UGT3A2: variants seen among roughly 807,000 people sequenced by gnomAD.
The protein encoded by UGT3A2 is UDP-glycosyltransferase 3A2.
In UGT3A2, 32 loss-of-function variants were observed where a neutral mutation model predicts 39.8. The observed-to-expected ratio is 0.80, with a 90% CI of 0.61 to 1.08. UGT3A2 has a LOEUF of 1.08. UGT3A2 is among the 50% of genes least tolerant of loss of function. The probability of loss-of-function intolerance (pLI) is 0.00; values close to 1 mark genes in which losing one functional copy is unlikely to be tolerated. For missense variants in UGT3A2, 611 were observed against 637.1 expected (o/e 0.96, Z 0.44); for synonymous variants, 241 against 230.7 (o/e 1.04, Z -0.40).
chr5:36,035,660 C>T lies in UGT3A2; in HGVS notation c.*38G>A, dbSNP rs369324623. The T allele has an allele frequency of 1.2e-5, 19 of 1,596,540 alleles. No homozygotes were observed. Among genetic ancestry groups the T allele is most frequent in the South Asian group, 3.4e-5 (3 of 89,348 alleles). On this transcript the variant is annotated 3_prime_UTR_variant, in exon 7 of 7. Transcript: ENST00000282507. ...GGAAGCTCCCTAGAAATGGTGACAT[C>T]GCCCACCAAACAGACCCCGCCAAGG...
intron 2 of UGT3A2, among the ~76,000 whole-genome samples, chr5:36,052,783 C>T (rs1742389229): frequency 6.6e-6 from 1 of 152,150 alleles, no homozygotes; most frequent in Admixed American, 6.5e-5. Context: ...ATAAACCTCT[C>T]ATATCTTCTT....
At chr5:36,048,212 G>A (rs1163150389) in intron 4 of UGT3A2, among the ~76,000 whole-genome samples, 1 of 152,212 alleles carries the variant, frequency 6.6e-6, no homozygotes, top group Non-Finnish European at 1.5e-5. Flanking sequence ...GGAACCCAGT[G>A]CTCAGAGGCA....
intron 2 of UGT3A2, among the ~76,000 whole-genome samples, chr5:36,054,960 C>A (rs1561495350): frequency 6.6e-6 from 1 of 152,096 alleles, no homozygotes; most frequent in Non-Finnish European, 1.5e-5. Context: ...TATTCTCCTC[C>A]CTGTCATATT....
chr5:36,035,739 C>T lies in UGT3A2; in HGVS notation c.1531G>A (p.Val511Ile), dbSNP rs140351412. Residue 511 changes from valine (V) to isoleucine (I), a missense_variant, in exon 7 of 7, where the codon GTC becomes ATC. Coordinates refer to ENST00000282507, the MANE Select transcript of UGT3A2 (RefSeq NM_174914.4). ...WLCGKLLGMA[V>I]WWLRGARKVK... The stretch of plus-strand genomic sequence containing the variant: ...TTTCTGGCCCCACGCAGCCACCAGA[C>T]AGCCATGCCCAGCAGCTTCCCACAA... The T allele has an allele frequency of 4.3e-4, 696 of 1,614,050 alleles. 1 individual carries two copies. The highest frequency in any genetic ancestry group is 5.4e-4 in the Non-Finnish European group (638 of 1,180,040).
chr5:36,061,502 G>A (rs201549925), intron 2 of UGT3A2, among the ~76,000 whole-genome samples: 1,082 of 129,810 alleles, frequency 8.3e-3, no homozygotes, highest in African/African-American at 0.011. Context: ...TTGGTTTTTT[G>A]TTCTTGTGAT....
At position 36,035,883 on chromosome 5, in the gene UGT3A2, G is replaced by A; in HGVS notation, c.1387C>T (p.Leu463Phe). 3 of 1,614,224 alleles carry A rather than the reference G, an allele frequency of 1.9e-6. No individual in the cohort carries two copies. Among genetic ancestry groups the A allele is most frequent in the Non-Finnish European group, 2.5e-6 (3 of 1,180,036 alleles). Residue 463 changes from leucine (L) to phenylalanine (F), a missense_variant, in exon 7 of 7, where the codon CTC becomes TTC. Leu to Phe is a conservative substitution (Grantham distance 22). Coordinates refer to ENST00000282507, the MANE Select transcript of UGT3A2 (RefSeq NM_174914.4). ...AGGTGCGTCGCGCCCCCTGTCTGGA[G>A]GACGTGGTCAATCCAGCCCACCAGC... ...QRLVGWIDHVLQTGGATHLKP... is the reference protein window; with the variant it reads ...QRLVGWIDHVFQTGGATHLKP...
At chr5:36,042,443 C>CAGGAAG in intron 4 of UGT3A2, among the ~76,000 whole-genome samples, 1 of 151,820 alleles carries the variant, frequency 6.6e-6, no homozygotes, top group Non-Finnish European at 1.5e-5. Context: ...AAATCATTTT[C>CAGGAAG]ACTAAAAGGA....
chr5:36,037,812 A>T lies in UGT3A2; in HGVS notation c.1280T>A (p.Ile427Asn). 6.2e-6 allele frequency: 10 copies of T among 1,614,142 alleles called. No homozygotes were observed. Among genetic ancestry groups the T allele is most frequent in the Non-Finnish European group, 8.5e-6 (10 of 1,180,018 alleles). ...AGCTGCATACCTCTTGTCTTCCATG[A>T]TTTGTTTCATCTTAAGAGCCAATGT... ...AETLALKMKQ[I>N]MEDKRYKSAA... is the part of the protein sequence containing the mutation. Residue 427 changes from isoleucine to asparagine, a missense_variant, in exon 6 of 7, where the codon ATC becomes AAC. Ile to Asn is a moderately radical substitution (Grantham distance 149, BLOSUM62 -3). Transcript: ENST00000282507.
rs142510301 is a variant in UGT3A2, at chr5:36,037,926, G to A, written c.1166C>T (p.Pro389Leu). The A allele has an allele frequency of 2.1e-5, 34 of 1,614,056 alleles. No homozygotes were observed. The African/African-American group carries it at 4.0e-4, about 19-fold the overall frequency. Residue 389 changes from proline to leucine, a missense_variant, in exon 6 of 7, where the codon CCT becomes CTT. By Grantham distance (98) the Pro-to-Leu change is moderately conservative (BLOSUM62 -3). Coordinates refer to ENST00000282507, the MANE Select transcript of UGT3A2 (RefSeq NM_174914.4). Reference sequence around the variant, plus strand: ...GTTTTCAGGCTGGTCTCCAAAGAGAGGGATCCCCACCATGGGCACACCATG... The same window carrying A: ...GTTTTCAGGCTGGTCTCCAAAGAGAAGGATCCCCACCATGGGCACACCATG... ...IQHGVPMVGIPLFGDQPENMV... is the reference protein window; with the variant it reads ...IQHGVPMVGILLFGDQPENMV...
At chr5:36,042,737 T>C (rs970746839) in intron 4 of UGT3A2, among the ~76,000 whole-genome samples, 3 of 152,034 alleles carry the variant, frequency 2.0e-5, no homozygotes, top group Non-Finnish European at 4.4e-5. Context: ...GGAGTAGCTA[T>C]ACTTACATCA....
At chr5:36,058,363 G>A (rs1457015784) in intron 2 of UGT3A2, among the ~76,000 whole-genome samples, 1 of 152,196 alleles carries the variant, frequency 6.6e-6, no homozygotes, top group Non-Finnish European at 1.5e-5. Context: ...GGGGCTGAAG[G>A]TGGAGGGTAA....
rs772765832 is a variant in UGT3A2, at chr5:36,066,682, G to A, written c.94+14C>T. On this transcript the variant is annotated intron_variant, in intron 1 of 6. Coordinates refer to ENST00000282507, the MANE Select transcript of UGT3A2 (RefSeq NM_174914.4). The stretch of plus-strand genomic sequence containing the variant: ...GGACGCGCCTGTCTGGGAATTCTCC[G>A]GCCAAGCACTCACCTACTGTAGATA... 4.3e-6 allele frequency: 7 copies of A among 1,613,980 alleles called. No individual in the cohort carries two copies. Among genetic ancestry groups the A allele is most frequent in the Non-Finnish European group, 4.2e-6 (5 of 1,179,904 alleles).
At chr5:36,045,734 T>C (rs763216338) in intron 4 of UGT3A2, among the ~76,000 whole-genome samples, 30 of 152,162 alleles carry the variant, frequency 2.0e-4, no homozygotes, top group Non-Finnish European at 4.1e-4. Flanking sequence ...GATTTCTTTT[T>C]CTTGTGTAAT....
chr5:36,066,602 G>A (rs1225180806), intron 1 of UGT3A2, 94 bp downstream of exon 1: 8 of 1,590,630 alleles, frequency 5.0e-6, no homozygotes, highest in Non-Finnish European at 6.9e-6. Context: ...GGAAAATCAC[G>A]TGGATGACTC....
At chr5:36,051,503 C>G (rs1358922050) in intron 3 of UGT3A2, among the ~76,000 whole-genome samples, 1 of 152,134 alleles carries the variant, frequency 6.6e-6, no homozygotes, top group African/African-American at 2.4e-5. Context: ...AGTTGAGGAG[C>G]CTATCCCAAT....
chr5:36,060,163 C>G (rs1183599235), intron 2 of UGT3A2, among the ~76,000 whole-genome samples: 2 of 152,222 alleles, frequency 1.3e-5, no homozygotes, highest in African/African-American at 4.8e-5. Flanking sequence ...CCATGGTTTC[C>G]TGTGCATCTG....
At chr5:36,046,589 G>A (rs144697156) in intron 4 of UGT3A2, among the ~76,000 whole-genome samples, 1 of 152,068 alleles carries the variant, frequency 6.6e-6, no homozygotes, top group Non-Finnish European at 1.5e-5. Context: ...ATAGCAGAAC[G>A]ATTGTTACCA....
At chr5:36,047,908 C>T (rs1400534808) in intron 4 of UGT3A2, among the ~76,000 whole-genome samples, 1 of 152,184 alleles carries the variant, frequency 6.6e-6, no homozygotes, top group Non-Finnish European at 1.5e-5. Flanking sequence ...GACCCCTGCT[C>T]CCCAACCTGG....
At chr5:36,041,780 A>G (rs1225585047) in intron 4 of UGT3A2, among the ~76,000 whole-genome samples, 1 of 152,172 alleles carries the variant, frequency 6.6e-6, no homozygotes, top group Non-Finnish European at 1.5e-5. Context: ...CTCAAGAAGG[A>G]CAGGTACAAA....
Sources: allele counts gnomAD v4.1 joint callset (sites outside exome capture counted in the v4.1 genomes callset), GRCh38; gene constraint gnomAD v4.1.1; transcripts MANE v1.5; gene names NCBI Gene and HGNC (gene_info 2026-07-23, HGNC 2026-07-21).